The following LANCL1 variants were observed in gnomAD, a reference collection of about 807,000 sequenced individuals.
LANCL1 encodes glutathione S-transferase LANCL1.
LANCL1 carries 50 observed loss-of-function variants against 50.6 expected under a neutral mutation model. The ratio of observed to expected loss-of-function variants is 0.99; its 90% CI spans 0.79 to 1.25. LANCL1 has a LOEUF of 1.25. Among genes scored for constraint, LANCL1 ranks in the 50% most tolerant of loss-of-function variants. The pLI, the probability that LANCL1 is intolerant of heterozygous loss-of-function variation, is 0.00. For missense variants in LANCL1, 532 were observed against 480.7 expected (o/e 1.11, Z -1.00); for synonymous variants, 188 against 178.6 (o/e 1.05, Z -0.42).
At chr2:210,443,504 G>T (rs1693212504) in intron 4 of LANCL1, among the ~76,000 whole-genome samples, 1 of 152,178 alleles carries the variant, frequency 6.6e-6, no homozygotes, top group African/African-American at 2.4e-5. Context: ...AATGTTATCA[G>T]GTAGCTTTCG....
At chr2:210,448,224 A>G (rs575888612) in intron 4 of LANCL1, among the ~76,000 whole-genome samples, 191 of 152,364 alleles carry the variant, frequency 1.3e-3, no homozygotes, top group African/African-American at 4.4e-3. Flanking sequence ...ACTACACGGA[A>G]AGTGAACAAC....
chr2:210,449,883 A>G (rs1174743935), intron 4 of LANCL1, among the ~76,000 whole-genome samples: 1 of 152,238 alleles, frequency 6.6e-6, no homozygotes, highest in Non-Finnish European at 1.5e-5. Flanking sequence ...GCTCATGGAT[A>G]GGAAGAATCA....
At chr2:210,437,418 G>A (rs143089806) in intron 7 of LANCL1, among the ~76,000 whole-genome samples, 4 of 152,042 alleles carry the variant, frequency 2.6e-5, no homozygotes, top group East Asian at 3.9e-4. Flanking sequence ...TGGTTCTTTC[G>A]AGTACACACC....
intron 4 of LANCL1, among the ~76,000 whole-genome samples, chr2:210,453,366 G>C (rs933824716): frequency 6.6e-6 from 1 of 152,168 alleles, no homozygotes; most frequent in African/African-American, 2.4e-5. Context: ...GGGTTGTATA[G>C]GTGAGTTAAC....
intron 3 of LANCL1, among the ~76,000 whole-genome samples, chr2:210,471,139 C>T (rs1272550790): frequency 4.7e-5 from 7 of 150,298 alleles, no homozygotes; most frequent in Non-Finnish European, 1.0e-4. Context: ...CTCCACCTCC[C>T]AGGTTCAAGT....
At chr2:210,440,542 T>C in intron 6 of LANCL1, 56 bp downstream of exon 6, 1 of 1,517,132 alleles carries the variant, frequency 6.6e-7, no homozygotes, top group Non-Finnish European at 8.9e-7. Flanking sequence ...TTCTCACCCA[T>C]GATAGTACAT....
intron 4 of LANCL1, among the ~76,000 whole-genome samples, chr2:210,446,998 A>T (rs956157529): frequency 6.6e-6 from 1 of 151,860 alleles, no homozygotes. Flanking sequence ...AGGAAACAGA[A>T]AGCACCACAA....
At chr2:210,476,195 T>C (rs1694362393) in intron 2 of LANCL1, 121 bp downstream of exon 2, 1 of 591,890 alleles carries the variant, frequency 1.7e-6, no homozygotes, top group South Asian at 2.3e-5. Flanking sequence ...AATTTACGTA[T>C]TTATCGTCGA....
chr2:210,475,087 C>T (rs914868143), intron 2 of LANCL1, among the ~76,000 whole-genome samples: 4 of 152,144 alleles, frequency 2.6e-5, no homozygotes, highest in Non-Finnish European at 5.9e-5. Flanking sequence ...TACCCTACAC[C>T]TCTTCTTCAT....
At chr2:210,451,572 T>G (rs1693512912) in intron 4 of LANCL1, among the ~76,000 whole-genome samples, 2 of 152,218 alleles carry the variant, frequency 1.3e-5, no homozygotes, top group African/African-American at 4.8e-5. Context: ...TAATTTATGC[T>G]AAGTGATTTC....
intron 4 of LANCL1, chr2:210,442,568 C>A (rs1036582019): frequency 1.3e-5 from 2 of 152,152 alleles, no homozygotes; most frequent in Non-Finnish European, 2.9e-5. Flanking sequence ...ATGCTCTGCA[C>A]CTTGTGTCTC....
chr2:210,467,051 T>G (rs112534310), intron 3 of LANCL1, among the ~76,000 whole-genome samples: 2,519 of 152,250 alleles, frequency 0.017, 55 homozygotes, highest in Middle Eastern at 0.054. Context: ...AGCAACTTGA[T>G]GAAGATGAGT....
intron 3 of LANCL1, among the ~76,000 whole-genome samples, chr2:210,456,671 C>G (rs567668027): frequency 6.6e-6 from 1 of 152,220 alleles, no homozygotes; most frequent in South Asian, 2.1e-4. Context: ...ATCCATATCA[C>G]GCATCTGCAG....
chr2:210,452,891 A>G (rs1693552001), intron 4 of LANCL1, among the ~76,000 whole-genome samples: 1 of 152,180 alleles, frequency 6.6e-6, no homozygotes, highest in African/African-American at 2.4e-5. Context: ...GGATCTCAAA[A>G]GGTCTGTAAA....
chr2:210,467,989 G>C (rs972339656), intron 3 of LANCL1, among the ~76,000 whole-genome samples: 1 of 152,090 alleles, frequency 6.6e-6, no homozygotes, highest in Non-Finnish European at 1.5e-5. Flanking sequence ...ATAAGGGTTT[G>C]GGAGAAAGCA....
chr2:210,440,607 G>A lies in LANCL1; in HGVS notation c.681C>T (p.Tyr227=), dbSNP rs553320476. 1 of 1,612,688 alleles carries A rather than the reference G, an allele frequency of 6.2e-7. No individual in the cohort carries two copies. Among genetic ancestry groups the A allele is most frequent in the South Asian group, 1.1e-5 (1 of 90,660 alleles). The change falls in exon 6 of 10, where the codon TAC becomes TAT. Residue 227 remains tyrosine, a synonymous_variant. Coordinates refer to ENST00000450366, the MANE Select transcript of LANCL1 (RefSeq NM_006055.3). ...AAHGLAGIYY[Y]LMQPSLQVSQ... Reference sequence around the variant, plus strand: ...CATAATCACTCCTTACCTGCATCAGGTAGTAATAAATTCCAGCCAGGCCAT... The same window carrying A: ...CATAATCACTCCTTACCTGCATCAGATAGTAATAAATTCCAGCCAGGCCAT...
At chr2:210,441,579 C>A in intron 4 of LANCL1, 136 bp from the exon 5 acceptor site, 1 of 625,840 alleles carries the variant, frequency 1.6e-6, no homozygotes. Flanking sequence ...ATTTATAGAA[C>A]AGTCACGGTT....
Position 210,437,712 on chromosome 2 carries a change from T to C in LANCL1, c.851A>G (p.Tyr284Cys), listed in dbSNP as rs1692981623. Residue 284 changes from tyrosine to cysteine, a missense_variant, in exon 7 of 10, where the codon TAC becomes TGC. Physicochemically the swap from Tyr to Cys is radical, Grantham distance 194. Coordinates refer to ENST00000450366, the MANE Select transcript of LANCL1 (RefSeq NM_006055.3). ...HWCHGAPGVI[Y>C]MLIQAYKVFR... ...TACCTTATAGGCCTGGATGAGCATG[T>C]AGATTACCCCAGGGGCGCCATGGCA... 6 of 1,605,222 alleles carry C rather than the reference T, an allele frequency of 3.7e-6. No individual in the cohort carries two copies. Among genetic ancestry groups the C allele is most frequent in the African/African-American group, 1.3e-5 (1 of 74,588 alleles).
At chr2:210,435,491 T>C (rs753620989) in intron 8 of LANCL1, 32 bp from the exon 9 acceptor site, 13 of 1,571,128 alleles carry the variant, frequency 8.3e-6, no homozygotes, top group Non-Finnish European at 1.1e-5. Flanking sequence ...ATTAGTATAG[T>C]GATTTCTTCC....
Sources: gnomAD v4.1 joint callset for allele counts (sites outside exome capture counted in the v4.1 genomes callset) on GRCh38, gnomAD v4.1.1 for gene constraint, MANE v1.5 for transcripts, NCBI Gene and HGNC (gene_info 2026-07-23, HGNC 2026-07-21) for gene names.